The following PLA2G4A variants were observed in gnomAD, a reference collection of about 807,000 sequenced individuals.
PLA2G4A encodes cytosolic phospholipase A2.
A neutral mutation model predicts 81.9 loss-of-function variants in PLA2G4A; 40 were observed. The ratio of observed to expected loss-of-function variants is 0.49; its 90% CI spans 0.38 to 0.64. PLA2G4A has a LOEUF of 0.64. Ranked by LOEUF, PLA2G4A falls within the 30% of genes least tolerant of loss-of-function variation. The probability of loss-of-function intolerance (pLI) is 0.00; values close to 1 mark genes in which losing one functional copy is unlikely to be tolerated. For missense variants in PLA2G4A, 715 were observed against 905.1 expected (o/e 0.79, Z 2.69); for synonymous variants, 302 against 296.9 (o/e 1.02, Z -0.18).
chr1:186,845,631 G>T (rs181608610), intron 1 of PLA2G4A, among the ~76,000 whole-genome samples: 1 of 151,934 alleles, frequency 6.6e-6, no homozygotes, highest in African/African-American at 2.4e-5. Context: ...CCCTCTTCCC[G>T]CCACATGCCA....
chr1:186,941,129 A>AAT (rs1656140213), intron 10 of PLA2G4A, among the ~76,000 whole-genome samples: 1 of 151,700 alleles, frequency 6.6e-6, no homozygotes, highest in East Asian at 1.9e-4. Flanking sequence ...AAAAAAAAAA[A>AAT]AGGGCACAAC....
At chr1:186,928,653 A>C (rs1269730069) in intron 7 of PLA2G4A, among the ~76,000 whole-genome samples, 1 of 152,204 alleles carries the variant, frequency 6.6e-6, no homozygotes, top group Non-Finnish European at 1.5e-5. Context: ...AACCCTGACT[A>C]ATATGGGGGG....
intron 14 of PLA2G4A, 136 bp from the exon 15 acceptor site, chr1:186,965,272 GC>G (rs972149555): frequency 8.8e-6 from 6 of 683,486 alleles, no homozygotes; most frequent in Non-Finnish European, 1.5e-5. Flanking sequence ...TTGGTTTCAT[GC>G]CCAGCTCTAT....
intron 8 of PLA2G4A, among the ~76,000 whole-genome samples, chr1:186,936,829 T>C (rs1331537248): frequency 6.6e-6 from 1 of 151,808 alleles, no homozygotes; most frequent in Non-Finnish European, 1.5e-5. Context: ...TGTTGAAAAA[T>C]TTGAGGCAAA....
At chr1:186,862,359 C>A (rs890403545) in intron 2 of PLA2G4A, among the ~76,000 whole-genome samples, 3 of 151,812 alleles carry the variant, frequency 2.0e-5, no homozygotes, top group African/African-American at 4.8e-5. Context: ...GGATTACAGG[C>A]GTGGGCTACC....
intron 1 of PLA2G4A, among the ~76,000 whole-genome samples, chr1:186,837,955 A>T (rs1019967294): frequency 1.3e-5 from 2 of 152,028 alleles, no homozygotes; most frequent in African/African-American, 2.4e-5. Context: ...CTGCAGGGAA[A>T]TACGCAGATT....
intron 1 of PLA2G4A, among the ~76,000 whole-genome samples, chr1:186,841,806 C>T (rs2102007918): frequency 6.6e-6 from 1 of 152,224 alleles, no homozygotes; most frequent in East Asian, 1.9e-4. Flanking sequence ...TGAAACTGGG[C>T]TGGCCAGTTT....
At chr1:186,953,862 A>G (rs1346477995) in intron 13 of PLA2G4A, among the ~76,000 whole-genome samples, 1 of 152,220 alleles carries the variant, frequency 6.6e-6, no homozygotes, top group Non-Finnish European at 1.5e-5. Flanking sequence ...GACAGCCCCA[A>G]AATCTTTGGA....
At chr1:186,955,774 G>C (rs1454084914) in intron 13 of PLA2G4A, among the ~76,000 whole-genome samples, 1 of 116,172 alleles carries the variant, frequency 8.6e-6, no homozygotes, top group East Asian at 2.6e-4. Flanking sequence ...TTGCTCTGTC[G>C]TCAGGCTGGA....
intron 15 of PLA2G4A, among the ~76,000 whole-genome samples, chr1:186,975,544 C>T (rs1267889355): frequency 6.6e-6 from 1 of 152,194 alleles, no homozygotes; most frequent in Non-Finnish European, 1.5e-5. Context: ...TTAATCCTCT[C>T]AGCAATCCTA....
At chr1:186,889,047 T>C (rs893754577) in intron 3 of PLA2G4A, among the ~76,000 whole-genome samples, 3 of 152,214 alleles carry the variant, frequency 2.0e-5, no homozygotes, top group African/African-American at 4.8e-5. Context: ...ACTGGTGATA[T>C]GGTAGAAACA....
At chr1:186,986,455 T>A (rs1381885826) in intron 17 of PLA2G4A, among the ~76,000 whole-genome samples, 10 of 152,218 alleles carry the variant, frequency 6.6e-5, no homozygotes, top group Non-Finnish European at 1.3e-4. Flanking sequence ...GATATAGATC[T>A]CTAGAAAGGC....
In PLA2G4A at chr1:186,838,826, A is replaced by T. The variant is rs139909440; in HGVS notation, c.-70+9791A>T. ...GAATCATTAGAATTCCACAATGTAA[A>T]GATGTGTAAAACATTTTGTGATAAT... On this transcript the variant is annotated intron_variant, in intron 1 of 17. Coordinates refer to ENST00000367466, the MANE Select transcript of PLA2G4A (RefSeq NM_024420.3). Among the ~76,000 whole-genome samples the T allele has an allele frequency of 4.4e-3, 670 of 152,286 alleles. 4 individuals carry two copies. The highest frequency in any genetic ancestry group is 0.015 in the African/African-American group (642 of 41,540).
chr1:186,941,108 G>A lies in PLA2G4A; in HGVS notation c.1033+1014G>A, dbSNP rs1217531291. ...AGCCGGGGCCATAGAGCGAGACTCC[G>A]TCTCAAAAAAAAAAAAAAAAAAGGG... On this transcript the variant is annotated intron_variant, in intron 10 of 17. Transcript: ENST00000367466. Among the ~76,000 whole-genome samples, 6 of 99,872 alleles carry A rather than the reference G, an allele frequency of 6.0e-5. No homozygotes were observed. The East Asian group carries it at 1.4e-3, about 24-fold the overall frequency. 65.5% of individuals were successfully genotyped at this position (99,872 alleles called of 152,430 possible).
chr1:186,853,569 A>G (rs956745920), intron 1 of PLA2G4A, among the ~76,000 whole-genome samples: 2 of 151,994 alleles, frequency 1.3e-5, no homozygotes, highest in African/African-American at 4.8e-5. Context: ...AATTAGATGT[A>G]ACTTATAAAA....
intron 17 of PLA2G4A, among the ~76,000 whole-genome samples, chr1:186,986,006 A>G (rs761234914): frequency 3.3e-5 from 5 of 152,234 alleles, no homozygotes; most frequent in African/African-American, 4.8e-5. Flanking sequence ...TTTCTATCAC[A>G]GAACTGTAAC....
At chr1:186,892,681 G>C (rs965174976) in intron 3 of PLA2G4A, among the ~76,000 whole-genome samples, 1 of 152,130 alleles carries the variant, frequency 6.6e-6, no homozygotes, top group South Asian at 2.1e-4. Flanking sequence ...TCATGTTGGC[G>C]TTAGCTGGGT....
chr1:186,985,628 G>T (rs1183178172), intron 17 of PLA2G4A, among the ~76,000 whole-genome samples: 2 of 152,120 alleles, frequency 1.3e-5, no homozygotes, highest in Non-Finnish European at 2.9e-5. Context: ...GTGGAAGGGG[G>T]ATCACATTTT....
rs183824070 is a variant in PLA2G4A, at chr1:186,845,322, T to C, written c.-69-8964T>C. Among the ~76,000 whole-genome samples, 21 of 152,310 alleles carry C rather than the reference T, an allele frequency of 1.4e-4. No individual in the cohort carries two copies. In the Middle Eastern group the frequency reaches 0.014, roughly 99 times the overall value. On this transcript the variant is annotated intron_variant, in intron 1 of 17. Transcript: ENST00000367466. Reference sequence around the variant, plus strand: ...CCAGTTTCATAAACAATGATAATAATAATGATTATTTTGTACATTTATGGC... The same window carrying C: ...CCAGTTTCATAAACAATGATAATAACAATGATTATTTTGTACATTTATGGC...
Sources: gnomAD v4.1 joint callset for allele counts (sites outside exome capture counted in the v4.1 genomes callset) on GRCh38, gnomAD v4.1.1 for gene constraint, MANE v1.5 for transcripts, NCBI Gene and HGNC (gene_info 2026-07-23, HGNC 2026-07-21) for gene names.